The following MAGI2 variants were observed in gnomAD, a reference collection of about 807,000 sequenced individuals.
MAGI2 encodes the protein membrane-associated guanylate kinase, WW and PDZ domain-containing protein 2.
Under a neutral mutation model 133.3 loss-of-function variants are expected in MAGI2, and 35 were observed. That is an observed-to-expected ratio of 0.26 (90% CI 0.20 to 0.35). The LOEUF is 0.35. MAGI2 is among the 10% of genes least tolerant of loss of function. MAGI2 has a pLI of 1.00. For synonymous variants in MAGI2, 729 were observed against 710.6 expected, an observed-to-expected ratio of 1.03 and a Z score of -0.41; for missense variants, 1,636 against 1,863.4, an observed-to-expected ratio of 0.88 and a Z score of 2.25.
intron 1 of MAGI2, among the ~76,000 whole-genome samples, chr7:79,051,641 A>C (rs1455455262): frequency 1.3e-5 from 2 of 152,282 alleles, no homozygotes; most frequent in African/African-American, 4.8e-5. Context: ...GTAATTATTT[A>C]ATAAGTATAT....
At chr7:78,953,678 T>C (rs1802055031) in intron 2 of MAGI2, among the ~76,000 whole-genome samples, 1 of 152,134 alleles carries the variant, frequency 6.6e-6, no homozygotes, top group Non-Finnish European at 1.5e-5. Context: ...CTTAGTATCA[T>C]GAATGGTGTA....
At chr7:78,133,780 T>C (rs1219039395) in intron 17 of MAGI2, among the ~76,000 whole-genome samples, 1 of 152,206 alleles carries the variant, frequency 6.6e-6, no homozygotes, top group Non-Finnish European at 1.5e-5. Context: ...TTCCATTGAA[T>C]AGCTTATACA....
At chr7:79,349,872 G>C (rs1249978839) in intron 1 of MAGI2, among the ~76,000 whole-genome samples, 1 of 151,890 alleles carries the variant, frequency 6.6e-6, no homozygotes, top group Non-Finnish European at 1.5e-5. Context: ...CTTGGGCTAG[G>C]TGCTTACACT....
At chr7:78,912,396 C>T (rs1000075872) in intron 2 of MAGI2, among the ~76,000 whole-genome samples, 5 of 151,950 alleles carry the variant, frequency 3.3e-5, no homozygotes, top group Admixed American at 2.0e-4. Flanking sequence ...AAGTATTGAT[C>T]CTGGATGTGT....
chr7:78,727,575 C>G (rs757395), intron 2 of MAGI2, among the ~76,000 whole-genome samples: 1 of 151,924 alleles, frequency 6.6e-6, no homozygotes, highest in African/African-American at 2.4e-5. Flanking sequence ...GAACTACATT[C>G]TTATTTTAAG....
chr7:78,956,522 T>C (rs1802393579), intron 2 of MAGI2, among the ~76,000 whole-genome samples: 1 of 152,162 alleles, frequency 6.6e-6, no homozygotes, highest in South Asian at 2.1e-4. Context: ...TATCTTTACT[T>C]CTGTTTTCTA....
At chr7:78,766,888 G>T (rs1314927649) in intron 2 of MAGI2, among the ~76,000 whole-genome samples, 1 of 152,134 alleles carries the variant, frequency 6.6e-6, no homozygotes, top group Non-Finnish European at 1.5e-5. Context: ...TTGACTTTGT[G>T]TATTTTATAG....
intron 2 of MAGI2, among the ~76,000 whole-genome samples, chr7:78,656,481 A>G (rs1812288517): frequency 6.6e-6 from 1 of 152,184 alleles, no homozygotes; most frequent in Non-Finnish European, 1.5e-5. Context: ...TAAAAAGTCT[A>G]ATACACAGAA....
intron 2 of MAGI2, among the ~76,000 whole-genome samples, chr7:78,675,143 A>G (rs1447400764): frequency 6.6e-6 from 1 of 152,106 alleles, no homozygotes; most frequent in Non-Finnish European, 1.5e-5. Flanking sequence ...AGACCCAAAC[A>G]CATACTCTTT....
At chr7:78,143,026 T>A (rs1051887130) in intron 16 of MAGI2, among the ~76,000 whole-genome samples, 7 of 152,164 alleles carry the variant, frequency 4.6e-5, no homozygotes, top group African/African-American at 1.7e-4. Context: ...ATTTCGGCAA[T>A]TTTTGCATTT....
intron 9 of MAGI2, among the ~76,000 whole-genome samples, chr7:78,311,191 A>C (rs1167699584): frequency 2.0e-5 from 3 of 152,216 alleles, no homozygotes; most frequent in African/African-American, 7.2e-5. Flanking sequence ...CAGGAAATAA[A>C]ATAGAGAAAG....
chr7:78,477,235 T>C (rs1791865450), intron 6 of MAGI2, among the ~76,000 whole-genome samples: 1 of 151,958 alleles, frequency 6.6e-6, no homozygotes, highest in Non-Finnish European at 1.5e-5. Context: ...GACTCACATT[T>C]AGCACTTACA....
chr7:78,368,083 A>G (rs1793563547), intron 7 of MAGI2, among the ~76,000 whole-genome samples: 1 of 152,164 alleles, frequency 6.6e-6, no homozygotes, highest in Non-Finnish European at 1.5e-5. Flanking sequence ...TGGAGCCAAA[A>G]TTGGGGCTTT....
At chr7:78,039,969 T>C (rs1810628535) in intron 21 of MAGI2, among the ~76,000 whole-genome samples, 1 of 152,204 alleles carries the variant, frequency 6.6e-6, no homozygotes, top group Non-Finnish European at 1.5e-5. Context: ...AGCAACCTGC[T>C]AATACCATTC....
intron 1 of MAGI2, among the ~76,000 whole-genome samples, chr7:79,347,070 C>A (rs546275332): frequency 1.8e-4 from 28 of 152,048 alleles, no homozygotes; most frequent in Admixed American, 1.6e-3. Context: ...ACAATCCTCA[C>A]CTTTTTTATG....
intron 1 of MAGI2, chr7:79,125,040 T>C: frequency 4.5e-6 from 1 of 221,710 alleles, no homozygotes. Flanking sequence ...CCCACCCAAC[T>C]GTGAAAAAGA....
chr7:78,927,395 T>C (rs1584417335), intron 2 of MAGI2, among the ~76,000 whole-genome samples: 2 of 151,996 alleles, frequency 1.3e-5, no homozygotes, highest in African/African-American at 4.8e-5. Context: ...AAATTATGAA[T>C]AGCTGGTTCA....
Position 78,749,826 on chromosome 7 carries a change from C to G in MAGI2, c.419-122587G>C, listed in dbSNP as rs529000084. Among the ~76,000 whole-genome samples, 28 of 152,212 alleles carry G rather than the reference C, an allele frequency of 1.8e-4. No homozygotes were observed. In the South Asian group the frequency reaches 5.0e-3, roughly 27 times the overall value. The stretch of plus-strand genomic sequence containing the variant: ...GCAGGGAGAACTCCTGCTACTTCCT[C>G]CAAAGAAAAATTTGATTTATATAAA... On this transcript the variant is annotated intron_variant, in intron 2 of 21. Coordinates refer to ENST00000354212, the MANE Select transcript of MAGI2 (RefSeq NM_012301.4).
intron 2 of MAGI2, among the ~76,000 whole-genome samples, chr7:78,975,975 T>C (rs1804208914): frequency 2.6e-5 from 4 of 151,540 alleles, no homozygotes; most frequent in Admixed American, 1.3e-4. Context: ...TAAAGAGAAA[T>C]AGCCAACTTG....
Sources: gnomAD v4.1 joint callset for allele counts (sites outside exome capture counted in the v4.1 genomes callset) on GRCh38, gnomAD v4.1.1 for gene constraint, MANE v1.5 for transcripts, NCBI Gene and HGNC (gene_info 2026-07-23, HGNC 2026-07-21) for gene names.